ALX3: variants seen among roughly 807,000 people sequenced by gnomAD.
ALX3 encodes the protein homeobox protein aristaless-like 3.
Under a neutral mutation model 26.3 loss-of-function variants are expected in ALX3, and 17 were observed. The ratio of observed to expected loss-of-function variants is 0.65; its 90% CI spans 0.44 to 0.97. The LOEUF (loss-of-function observed/expected upper bound fraction) is 0.97, where lower values mean the gene tolerates loss of function less well. Ranked by LOEUF, ALX3 falls within the 50% of genes least tolerant of loss-of-function variation. The probability of loss-of-function intolerance (pLI) is 0.00; values close to 1 mark genes in which losing one functional copy is unlikely to be tolerated. For synonymous variants in ALX3, 208 were observed against 201.4 expected (o/e 1.03, Z -0.28); for missense variants, 461 against 466.5 (o/e 0.99, Z 0.11).
At chr1:110,070,251 G>T in intron 1 of ALX3, 85 bp downstream of exon 1, 8 of 1,251,808 alleles carry the variant, frequency 6.4e-6, no homozygotes, top group Non-Finnish European at 8.1e-6. Flanking sequence ...GAGCGGGAGA[G>T]ATAAGCAGGA....
Position 110,060,850 on chromosome 1 carries a change from G to T in ALX3, c.915C>A (p.Pro305=), listed in dbSNP as rs34775503. 6 of 1,613,966 alleles carry T rather than the reference G, an allele frequency of 3.7e-6. No individual in the cohort carries two copies. Among genetic ancestry groups the T allele is most frequent in the African/African-American group, 1.3e-5 (1 of 75,022 alleles). The part of the protein sequence containing the change: ...PGIYSIHGFP[P]TLGGHSFEPS... ...GCTCAAAGCTGTGGCCCCCCAGGGT[G>T]GGGGGAAAGCCATGGATGGAGTAGA... Residue 305 remains proline, a synonymous_variant, in exon 4 of 4, where the codon CCC becomes CCA. Transcript: ENST00000647563.
At chr1:110,064,972 A>T in intron 1 of ALX3, 69 bp from the exon 2 acceptor site, 1 of 1,440,534 alleles carries the variant, frequency 6.9e-7, no homozygotes, top group Non-Finnish European at 9.3e-7. Flanking sequence ...GAATGGAGGG[A>T]GGGGGAAGAA....
chr1:110,063,538 C>T (rs1212477743), intron 2 of ALX3, among the ~76,000 whole-genome samples: 2 of 152,284 alleles, frequency 1.3e-5, no homozygotes, highest in Middle Eastern at 3.4e-3. Flanking sequence ...CCAGGACTAT[C>T]TCCTGCCCTA....
At position 110,060,836 on chromosome 1, in the gene ALX3, T is replaced by C; in HGVS notation, c.929A>G (p.His310Arg). 1.2e-6 allele frequency: 2 copies of C among 1,613,994 alleles called. No homozygotes were observed. The highest frequency in any genetic ancestry group is 1.7e-6 in the Non-Finnish European group (2 of 1,180,006). Residue 310 changes from histidine (H) to arginine (R), a missense_variant, in exon 4 of 4, where the codon CAC (histidine) becomes CGC (arginine). His to Arg is a conservative substitution (Grantham distance 29). Around this residue, in one of 3 missense-constraint regions of ALX3, gnomAD observed 169 missense variants for 178.0 expected, o/e 0.95. Transcript: ENST00000647563. ...ACCATCTGAGGAAGGCTCAAAGCTG[T>C]GGCCCCCCAGGGTGGGGGGAAAGCC... ...IHGFPPTLGG[H>R]SFEPSSDGDY...
intron 2 of ALX3, 183 bp from the exon 3 acceptor site, chr1:110,061,746 G>A (rs1392382124): frequency 2.1e-6 from 2 of 959,732 alleles, no homozygotes; most frequent in East Asian, 2.7e-5. Flanking sequence ...GCCTGGGAGA[G>A]GCCCAAGCCC....
At position 110,070,648 on chromosome 1, in the gene ALX3, G is replaced by A. The variant is rs1653900043; in HGVS notation, c.-36C>T. The A allele has an allele frequency of 8.3e-7, 1 of 1,200,898 alleles. No individual in the cohort carries two copies. Among genetic ancestry groups the A allele is most frequent in the Non-Finnish European group, 1.0e-6 (1 of 969,012 alleles). 74.4% of individuals were successfully genotyped at this position (1,200,898 alleles called of 1,614,324 possible). ...GGCGCACAGGCCTCCGGGGCTCCGGGGCTCGCGCTGCCCGCGCCGCCTGTG... is the reference window on the plus strand; with the variant it reads ...GGCGCACAGGCCTCCGGGGCTCCGGAGCTCGCGCTGCCCGCGCCGCCTGTG... On this transcript the variant is annotated 5_prime_UTR_variant, in exon 1 of 4. Coordinates refer to ENST00000647563, the MANE Select transcript of ALX3 (RefSeq NM_006492.3).
chr1:110,065,001 C>T lies in ALX3; in HGVS notation c.278-98G>A, dbSNP rs149300481. On this transcript the variant is annotated intron_variant, in intron 1 of 3. Transcript: ENST00000647563. ...GGAAGAACATTGACGCCTCAGTCTC[C>T]GCCTCCCCCTTCCTTTCCCTTCCCT... 320 of 1,230,486 alleles carry T rather than the reference C, an allele frequency of 2.6e-4. 5 individuals carry two copies. In the South Asian group the frequency reaches 3.6e-3, roughly 14 times the overall value. The allele number at this position is 1,230,486 out of a possible 1,614,324, so 76.2% of individuals were successfully genotyped here. A position where few individuals can be genotyped will look rare whatever the true frequency, so the allele number is the denominator to read the frequency against.
intron 1 of ALX3, among the ~76,000 whole-genome samples, chr1:110,068,723 C>A (rs1310635374): frequency 1.3e-5 from 2 of 152,014 alleles, no homozygotes; most frequent in African/African-American, 4.8e-5. Context: ...TTAGTTCATC[C>A]CAGCTCGCCG....
At chr1:110,063,591 G>A (rs1427779650) in intron 2 of ALX3, among the ~76,000 whole-genome samples, 1 of 151,998 alleles carries the variant, frequency 6.6e-6, no homozygotes, top group African/African-American at 2.4e-5. Flanking sequence ...ATGCAGGGTG[G>A]GATAGCATGA....
rs1406362272 is a variant in ALX3, at chr1:110,061,832, G to A, written c.595-269C>T. On this transcript the variant is annotated intron_variant, in intron 2 of 3. Transcript: ENST00000647563. ...ATCACTGTGGTCCTCCAGCCTGGCT[G>A]TGTCTAGTAAGGGTGTTGTGGGGGC... The A allele has an allele frequency of 1.5e-5, 8 of 528,406 alleles. No homozygotes were observed. In the East Asian group the frequency reaches 2.7e-4, roughly 18 times the overall value. The allele number at this position is 528,406 out of a possible 1,614,324, so 32.7% of individuals were successfully genotyped here.
intron 1 of ALX3, among the ~76,000 whole-genome samples, chr1:110,065,297 C>T (rs1433034086): frequency 6.6e-6 from 1 of 152,216 alleles, no homozygotes; most frequent in Non-Finnish European, 1.5e-5. Flanking sequence ...ACATCTCCTG[C>T]TCCTGCCAGA....
At chr1:110,063,089 C>T (rs1038910371) in intron 2 of ALX3, among the ~76,000 whole-genome samples, 1 of 152,194 alleles carries the variant, frequency 6.6e-6, no homozygotes, top group Non-Finnish European at 1.5e-5. Flanking sequence ...CCAGGGTCTC[C>T]ATCCTTCAGG....
At chr1:110,067,786 C>T (rs1470805400) in intron 1 of ALX3, among the ~76,000 whole-genome samples, 1 of 152,252 alleles carries the variant, frequency 6.6e-6, no homozygotes, top group Non-Finnish European at 1.5e-5. Flanking sequence ...AGACTCAAAG[C>T]CAGAGTGGAC....
Position 110,064,571 on chromosome 1 carries a change from C to A in ALX3, c.594+16G>T, listed in dbSNP as rs749091463. The A allele has an allele frequency of 6.2e-7, 1 of 1,613,798 alleles. No individual in the cohort carries two copies. Among genetic ancestry groups the A allele is most frequent in the Admixed American group, 1.7e-5 (1 of 60,024 alleles). On this transcript the variant is annotated intron_variant, in intron 2 of 3. Transcript: ENST00000647563. ...ATAGGGGCAGCCAGAGAGCCCCATC[C>A]TTGCAGTGCCCTCACCTGTACCCGG...
Position 110,064,859 on chromosome 1 carries a change from A to T in ALX3, c.322T>A (p.Leu108Met). The change falls in exon 2 of 4, where the codon TTG becomes ATG. Residue 108 changes from leucine to methionine, a missense_variant. This residue lies in a region of ALX3 where 241 missense variants were observed against 206.1 expected (regional missense o/e 1.17). Transcript: ENST00000647563. ...TCTCTGGGGCCCCCTCGGCAGTCCA[A>T]GGGCAGCTGGGGGAAGCTGGCAGCT... ...SKAASFPQLPLDCRGGPRDGP... is the reference protein window; with the variant it reads ...SKAASFPQLPMDCRGGPRDGP... The T allele has an allele frequency of 6.2e-7, 1 of 1,611,792 alleles. No individual in the cohort carries two copies. Among genetic ancestry groups the T allele is most frequent in the Non-Finnish European group, 8.5e-7 (1 of 1,178,898 alleles).
Position 110,070,594 on chromosome 1 carries a change from C to A in ALX3, c.19G>T (p.Ala7Ser). ...GGTGCAGGCCCCACGCGGAAAGGCG[C>A]GCAGTGCTCGGGGTCCATGCCGGCT... MDPEHC[A>S]PFRVGPAPGP... The change falls in exon 1 of 4, where the codon GCG becomes TCG. Residue 7 changes from alanine (A) to serine (S), a missense_variant. Physicochemically the swap from Ala to Ser is moderately conservative, Grantham distance 99. Around this residue, in one of 3 missense-constraint regions of ALX3, gnomAD observed 241 missense variants for 206.1 expected, o/e 1.17. Coordinates refer to ENST00000647563, the MANE Select transcript of ALX3 (RefSeq NM_006492.3). 7.8e-7 allele frequency: 1 copy of A among 1,287,718 alleles called. No homozygotes were observed. The allele number at this position is 1,287,718 out of a possible 1,614,324, so 79.8% of individuals were successfully genotyped here. A position where few individuals can be genotyped will look rare whatever the true frequency, so the allele number is the denominator to read the frequency against.
At chr1:110,066,300 C>T (rs985324353) in intron 1 of ALX3, among the ~76,000 whole-genome samples, 1 of 152,200 alleles carries the variant, frequency 6.6e-6, no homozygotes, top group Non-Finnish European at 1.5e-5. Flanking sequence ...CTGGGAGAGT[C>T]GAGCAGGGCT....
intron 1 of ALX3, among the ~76,000 whole-genome samples, chr1:110,067,008 G>C (rs1653807136): frequency 6.6e-6 from 1 of 152,178 alleles, no homozygotes; most frequent in African/African-American, 2.4e-5. Flanking sequence ...CCCTCTCAAG[G>C]GACCACGGAA....
chr1:110,068,640 C>G (rs1653845572), intron 1 of ALX3, among the ~76,000 whole-genome samples: 1 of 152,210 alleles, frequency 6.6e-6, no homozygotes, highest in Admixed American at 6.5e-5. Context: ...TGTCCTTTCC[C>G]CCTTCTCTAG....
Sources: gnomAD v4.1 joint callset for allele counts (sites outside exome capture counted in the v4.1 genomes callset) on GRCh38, gnomAD v4.1.1 for gene constraint, gnomAD v4.1.1 regional missense constraint, MANE v1.5 for transcripts, NCBI Gene and HGNC (gene_info 2026-07-23, HGNC 2026-07-21) for gene names.